The following SAMD5 variants were observed in gnomAD, a reference collection of about 807,000 sequenced individuals.
SAMD5 encodes the protein sterile alpha motif domain containing 5.
SAMD5 carries 13 observed loss-of-function variants against 11.3 expected under a neutral mutation model. The ratio of observed to expected loss-of-function variants is 1.15; its 90% CI spans 0.75 to 1.83. The LOEUF is 1.83. Ranked by LOEUF, SAMD5 falls within the 40% of genes most tolerant of loss-of-function variation. The pLI is 0.00. For missense variants in SAMD5, 255 were observed against 239.1 expected (o/e 1.07, Z -0.44); for synonymous variants, 129 against 111.3 (o/e 1.16, Z -1.00).
the SAMD5 span, among the ~76,000 whole-genome samples, chr6:147,866,156 C>G: frequency 6.6e-6 from 1 of 151,708 alleles, no homozygotes; most frequent in African/African-American, 2.4e-5. Flanking sequence ...GCGGAAATAC[C>G]AGGGTGTGTA....
the SAMD5 span, among the ~76,000 whole-genome samples, chr6:147,915,029 G>A: frequency 0.6 from 91,660 of 151,976 alleles, 28,736 homozygotes; most frequent in African/African-American, 0.78. Flanking sequence ...ACTAATCTCA[G>A]TATCTGACCC....
chr6:147,810,254 T>C, the SAMD5 span, among the ~76,000 whole-genome samples: 1 of 152,340 alleles, frequency 6.6e-6, no homozygotes, highest in South Asian at 2.1e-4. Context: ...AGTATCAGTA[T>C]CTTTATCATT....
intron 1 of SAMD5, among the ~76,000 whole-genome samples, chr6:147,662,581 T>A (rs1790662727): frequency 6.6e-6 from 1 of 152,226 alleles, no homozygotes; most frequent in African/African-American, 2.4e-5. Context: ...GAAATCCCCC[T>A]GGAAATATCG....
At chr6:147,835,341 A>G in the SAMD5 span, among the ~76,000 whole-genome samples, 3 of 151,976 alleles carry the variant, frequency 2.0e-5, no homozygotes, top group East Asian at 5.8e-4. Context: ...CTCTGGCTCC[A>G]GTTCCAGGCT....
chr6:147,564,682 T>C lies in SAMD5; in HGVS notation c.*226T>C. 8.0e-7 allele frequency: 1 copy of C among 1,257,274 alleles called. No homozygotes were observed. Among genetic ancestry groups the C allele is most frequent in the East Asian group, 3.8e-5 (1 of 26,620 alleles). The allele number at this position is 1,257,274 out of a possible 1,614,324, so 77.9% of individuals were successfully genotyped here. On this transcript the variant is annotated 3_prime_UTR_variant, in exon 2 of 2. Transcript: ENST00000367474. ...TGAACTATCACGCATAAAGAAGTATTGAGTTCATTTTTTTAAGAAGATATC... is the reference window on the plus strand; with the variant it reads ...TGAACTATCACGCATAAAGAAGTATCGAGTTCATTTTTTTAAGAAGATATC...
At chr6:147,637,260 C>A (rs1383403359) in intron 1 of SAMD5, among the ~76,000 whole-genome samples, 2 of 152,166 alleles carry the variant, frequency 1.3e-5, no homozygotes, top group East Asian at 3.8e-4. Context: ...AGCAGAGTGC[C>A]TCATCATATT....
chr6:147,801,670 A>G, the SAMD5 span, among the ~76,000 whole-genome samples: 1 of 152,206 alleles, frequency 6.6e-6, no homozygotes, highest in East Asian at 1.9e-4. Context: ...CTCCACATTC[A>G]CTCTGGCTTC....
At chr6:147,788,525 C>T in the SAMD5 span, among the ~76,000 whole-genome samples, 1 of 152,092 alleles carries the variant, frequency 6.6e-6, no homozygotes, top group Non-Finnish European at 1.5e-5. Flanking sequence ...AATATAGAAA[C>T]ACATCTGTGC....
chr6:147,776,938 A>G, the SAMD5 span, among the ~76,000 whole-genome samples: 1 of 152,170 alleles, frequency 6.6e-6, no homozygotes, highest in Admixed American at 6.6e-5. Context: ...GAACTATAAA[A>G]TGACCACTTC....
chr6:147,675,155 A>G (rs912454810), intron 1 of SAMD5, among the ~76,000 whole-genome samples: 4 of 152,252 alleles, frequency 2.6e-5, no homozygotes, highest in African/African-American at 7.2e-5. Flanking sequence ...CAGAATGTTC[A>G]TACAAAAACA....
intron 1 of SAMD5, among the ~76,000 whole-genome samples, chr6:147,521,921 CT>C (rs1788261076): frequency 6.6e-6 from 1 of 151,936 alleles, no homozygotes; most frequent in African/African-American, 2.4e-5. Context: ...TGTCATTTGC[CT>C]TTTAGTTTTC....
chr6:147,779,406 G>A, the SAMD5 span, among the ~76,000 whole-genome samples: 2 of 151,822 alleles, frequency 1.3e-5, no homozygotes, highest in East Asian at 1.9e-4. Context: ...CTTTAAAAAT[G>A]TTCTTAGCAT....
chr6:147,755,749 C>T, the SAMD5 span, among the ~76,000 whole-genome samples: 2 of 151,984 alleles, frequency 1.3e-5, no homozygotes, highest in Admixed American at 1.3e-4. Context: ...AGGCTGTATA[C>T]AGAACATCTC....
rs1269091602 is a variant in SAMD5 at position 147,568,214 on chromosome 6, C to A, written c.*3758C>A. 4 of 985,218 alleles carry A rather than the reference C, an allele frequency of 4.1e-6. No homozygotes were observed. Among genetic ancestry groups the A allele is most frequent in the East Asian group, 1.1e-4 (1 of 8,828 alleles). The allele number at this position is 985,218 out of a possible 1,614,324, so 61.0% of individuals were successfully genotyped here. ...GCAGATGATGGTGGATCGGCAAACT[C>A]TTTTCTATGAAAAGAAAAACCAGAT... is the stretch of plus-strand genomic sequence containing the variant. On this transcript the variant is annotated 3_prime_UTR_variant, in exon 2 of 2. Coordinates refer to ENST00000367474, the MANE Select transcript of SAMD5 (RefSeq NM_001030060.3).
At chr6:147,510,002 A>G (rs1034033203) in intron 1 of SAMD5, among the ~76,000 whole-genome samples, 1 of 152,214 alleles carries the variant, frequency 6.6e-6, no homozygotes, top group Non-Finnish European at 1.5e-5. Flanking sequence ...AAACTTGTGT[A>G]TACTGGAGGC....
intron 1 of SAMD5, among the ~76,000 whole-genome samples, chr6:147,580,365 C>T (rs969077041): frequency 9.9e-5 from 15 of 152,228 alleles, no homozygotes; most frequent in African/African-American, 2.2e-4. Flanking sequence ...CCTCCTCTTA[C>T]GTTATAAAGG....
chr6:147,897,747 C>A, the SAMD5 span, among the ~76,000 whole-genome samples: 1 of 151,886 alleles, frequency 6.6e-6, no homozygotes. Flanking sequence ...GGGTTTGAGA[C>A]CAGCCTGGCC....
At chr6:147,805,375 A>G in the SAMD5 span, among the ~76,000 whole-genome samples, 4 of 152,168 alleles carry the variant, frequency 2.6e-5, no homozygotes, top group African/African-American at 9.7e-5. Flanking sequence ...GATCTCAGCT[A>G]TGTTTACATA....
chr6:147,672,524 C>T lies in SAMD5; in HGVS notation c.163-64793C>T, dbSNP rs79075126. 1.4e-3 allele frequency among the ~76,000 whole-genome samples: 210 copies of T among 152,136 alleles called. 2 individuals are homozygous for T. Among genetic ancestry groups the T allele is most frequent in the African/African-American group, 4.7e-3 (195 of 41,514 alleles). On this transcript the variant is annotated intron_variant, in intron 1 of 1. Coordinates refer to the SAMD5 transcript ENST00000566741. ...TGTACTCTATTCTTTTGAGAAACTGCGTATTCTTTGTATGGATAATCATGG... is the reference window on the plus strand; with the variant it reads ...TGTACTCTATTCTTTTGAGAAACTGTGTATTCTTTGTATGGATAATCATGG...
Sources: gnomAD v4.1 joint callset for allele counts (sites outside exome capture counted in the v4.1 genomes callset) on GRCh38, gnomAD v4.1.1 for gene constraint, MANE v1.5 for transcripts, NCBI Gene and HGNC (gene_info 2026-07-23, HGNC 2026-07-21) for gene names.